The following CPE variants were observed in gnomAD, a reference collection of about 807,000 sequenced individuals.
CPE encodes carbocypeptidase E.
Under a neutral mutation model 53.5 loss-of-function variants are expected in CPE, and 17 were observed. The observed-to-expected ratio is 0.32, with a 90% CI of 0.22 to 0.48. The LOEUF (loss-of-function observed/expected upper bound fraction) is 0.48. Among genes scored for constraint, CPE ranks in the 20% least tolerant of loss-of-function variants. The pLI is 0.99. For synonymous variants in CPE, 226 were observed against 228.8 expected, an observed-to-expected ratio of 0.99 and a Z score of 0.11; for missense variants, 524 against 614.7, an observed-to-expected ratio of 0.85 and a Z score of 1.56.
intron 1 of CPE, among the ~76,000 whole-genome samples, chr4:165,458,897 A>G (rs533391587): frequency 6.6e-6 from 1 of 152,352 alleles, no homozygotes; most frequent in African/African-American, 2.4e-5. Flanking sequence ...TAGGAGTGGA[A>G]GACAATATTA....
At chr4:165,424,106 A>G (rs28655881) in intron 1 of CPE, among the ~76,000 whole-genome samples, 44,586 of 151,478 alleles carry the variant, frequency 0.29, 6,628 homozygotes, top group Middle Eastern at 0.39. Flanking sequence ...GGTTTTTGCC[A>G]TATATAACTT....
chr4:165,448,129 G>T (rs6836074), intron 1 of CPE, among the ~76,000 whole-genome samples: 1 of 151,998 alleles, frequency 6.6e-6, no homozygotes, highest in Non-Finnish European at 1.5e-5. Flanking sequence ...AAAAGGAATT[G>T]TTACCCACTA....
intron 1 of CPE, among the ~76,000 whole-genome samples, chr4:165,440,495 G>C (rs1422753091): frequency 6.7e-6 from 1 of 148,928 alleles, no homozygotes; most frequent in Non-Finnish European, 1.5e-5. Context: ...TGGAACAGTG[G>C]TCTGGTGTGC....
At chr4:165,456,148 G>C (rs1179222428) in intron 1 of CPE, among the ~76,000 whole-genome samples, 2 of 152,164 alleles carry the variant, frequency 1.3e-5, no homozygotes, top group African/African-American at 2.4e-5. Flanking sequence ...GGACTATAGA[G>C]AGAGCAGAAG....
chr4:165,468,536 C>A (rs1316912462), intron 3 of CPE, among the ~76,000 whole-genome samples: 1 of 152,126 alleles, frequency 6.6e-6, no homozygotes, highest in Admixed American at 6.6e-5. Context: ...TCCCTTAGAA[C>A]CACTATTCTT....
intron 1 of CPE, among the ~76,000 whole-genome samples, chr4:165,447,112 T>G (rs1731729440): frequency 6.6e-6 from 1 of 152,156 alleles, no homozygotes; most frequent in African/African-American, 2.4e-5. Flanking sequence ...GCATGAAAGA[T>G]TAAAAATGGT....
intron 4 of CPE, among the ~76,000 whole-genome samples, chr4:165,483,316 G>T (rs1732452924): frequency 6.6e-6 from 1 of 152,124 alleles, no homozygotes; most frequent in Non-Finnish European, 1.5e-5. Flanking sequence ...CAAAATACAT[G>T]ATTTCATTCT....
chr4:165,429,596 A>G (rs1189301370), intron 1 of CPE, among the ~76,000 whole-genome samples: 3 of 151,942 alleles, frequency 2.0e-5, no homozygotes, highest in African/African-American at 7.3e-5. Flanking sequence ...CAGCGACTCC[A>G]GAGGCTGAAG....
At position 165,380,371 on chromosome 4, in the gene CPE, C is replaced by T. The variant is rs549618400; in HGVS notation, c.307+843C>T. Among the ~76,000 whole-genome samples the T allele has an allele frequency of 8.5e-5, 13 of 152,220 alleles. 1 individual carries two copies. The South Asian group carries it at 2.5e-3, about 29-fold the overall frequency. ...ATGTTCCCAAATAACCATCTGTATT[C>T]GTCTTTCCTAGGAGTATATTAAAGC... On this transcript the variant is annotated intron_variant, in intron 1 of 8. Transcript: ENST00000402744.
chr4:165,465,105 A>G (rs1378300390), intron 2 of CPE, among the ~76,000 whole-genome samples: 1 of 152,226 alleles, frequency 6.6e-6, no homozygotes, highest in East Asian at 1.9e-4. Context: ...CTTAACTAAA[A>G]ATAATTTAAT....
At chr4:165,492,549 G>C (rs979477439) in intron 6 of CPE, among the ~76,000 whole-genome samples, 1 of 152,104 alleles carries the variant, frequency 6.6e-6, no homozygotes. Context: ...CAAAAACCCA[G>C]CTCCCTGAGT....
intron 1 of CPE, among the ~76,000 whole-genome samples, chr4:165,430,237 T>G (rs1189305942): frequency 1.3e-5 from 2 of 152,184 alleles, no homozygotes; most frequent in African/African-American, 4.8e-5. Context: ...GACTCAATTT[T>G]TGGAAGAAGT....
At chr4:165,478,305 A>T (rs1455893376) in intron 3 of CPE, among the ~76,000 whole-genome samples, 1 of 152,248 alleles carries the variant, frequency 6.6e-6, no homozygotes, top group African/African-American at 2.4e-5. Context: ...TAATTATAGT[A>T]CACAGGGGTC....
At chr4:165,489,543 G>T (rs1437918328) in intron 6 of CPE, among the ~76,000 whole-genome samples, 1 of 152,122 alleles carries the variant, frequency 6.6e-6, no homozygotes, top group Non-Finnish European at 1.5e-5. Flanking sequence ...CACAGAAGGG[G>T]ACCTAACCGA....
At chr4:165,485,335 C>T (rs1236006942) in intron 5 of CPE, among the ~76,000 whole-genome samples, 1 of 151,924 alleles carries the variant, frequency 6.6e-6, no homozygotes, top group Non-Finnish European at 1.5e-5. Flanking sequence ...TTTCTATGGC[C>T]CACCTGGAAA....
At chr4:165,381,165 T>G (rs2126649438) in intron 1 of CPE, 1 of 406,298 alleles carries the variant, frequency 2.5e-6, no homozygotes, top group Middle Eastern at 3.6e-4. Context: ...GGAAATAAAA[T>G]TTTAAAGTGA....
At chr4:165,423,625 C>CATTTT (rs71602589) in intron 1 of CPE, among the ~76,000 whole-genome samples, 9 of 150,824 alleles carry the variant, frequency 6.0e-5, no homozygotes, top group African/African-American at 1.7e-4. Context: ...TATGTTGATT[C>CATTTT]ATTTTATTTT....
chr4:165,407,876 A>G (rs1730978063), intron 1 of CPE, among the ~76,000 whole-genome samples: 1 of 149,684 alleles, frequency 6.7e-6, no homozygotes, highest in East Asian at 2.0e-4. Flanking sequence ...TTTTTTTTTA[A>G]AGAGACGGAG....
chr4:165,497,605 T>A lies in CPE; in HGVS notation c.1426T>A (p.Phe476Ile). ...GAAAATGATGTCAGAAACTTTAAAT[T>A]TTTAAAAAGGCTTCTAGTTAGCTGC... ...WWKMMSETLN[F>I] The change falls in exon 9 of 9, where the codon TTT becomes ATT. Residue 476 changes from phenylalanine to isoleucine, a missense_variant. Phe to Ile is a conservative substitution (Grantham distance 21, BLOSUM62 0). Coordinates refer to ENST00000402744, the MANE Select transcript of CPE (RefSeq NM_001873.4). 1.3e-6 allele frequency: 2 copies of A among 1,557,864 alleles called. No individual in the cohort carries two copies. The highest frequency in any genetic ancestry group is 1.7e-6 in the Non-Finnish European group (2 of 1,153,090).
Sources: allele counts gnomAD v4.1 joint callset (sites outside exome capture counted in the v4.1 genomes callset), GRCh38; gene constraint gnomAD v4.1.1; transcripts MANE v1.5; gene names NCBI Gene and HGNC (gene_info 2026-07-23, HGNC 2026-07-21).